The following COL18A1 variants were observed in gnomAD, a reference collection of about 807,000 sequenced individuals.
The protein encoded by COL18A1 is collagen alpha-1(XVIII) chain.
In COL18A1, 133 loss-of-function variants were observed where a neutral mutation model predicts 168.0. The observed-to-expected ratio is 0.79, with a 90% CI of 0.69 to 0.91. The LOEUF (loss-of-function observed/expected upper bound fraction) is 0.91, where lower values mean the gene tolerates loss of function less well. COL18A1 is among the 40% of genes least tolerant of loss of function. COL18A1 has a pLI of 0.00. For missense variants in COL18A1, 2,126 were observed against 1,925.4 expected, an observed-to-expected ratio of 1.10 and a Z score of -1.95; for synonymous variants, 949 against 809.0, an observed-to-expected ratio of 1.17 and a Z score of -2.94.
rs2036546085 is a variant in COL18A1 at position 45,496,436 on chromosome 21, T to C, written c.2509-64T>C. 3 of 809,464 alleles carry C rather than the reference T, an allele frequency of 3.7e-6. No individual in the cohort carries two copies. The Admixed American group carries it at 5.1e-5, about 14-fold the overall frequency. The allele number at this position is 809,464 out of a possible 1,614,324, so 50.1% of individuals were successfully genotyped here. ...ATTTTTCTGATTTTTCTGAACTGTC[T>C]CTGCTCCCAGCTGCTGCCTGACAGG... On this transcript the variant is annotated intron_variant, in intron 29 of 41. Coordinates refer to ENST00000651438, the MANE Select transcript of COL18A1 (RefSeq NM_001379500.1).
chr21:45,507,668 G>A, intron 38 of COL18A1, 75 bp downstream of exon 38: 3 of 1,399,796 alleles, frequency 2.1e-6, no homozygotes, highest in Non-Finnish European at 3.0e-6. Context: ...CCTGTTTGAG[G>A]AACAACACGT....
chr21:45,505,045 G>C, intron 34 of COL18A1, 89 bp from the exon 35 acceptor site: 1 of 1,518,916 alleles, frequency 6.6e-7, no homozygotes, highest in Non-Finnish European at 8.9e-7. Context: ...CTCGCCAAGG[G>C]GGTCTTGGCA....
rs2035664657 is a variant in COL18A1, at chr21:45,476,578, TGTGTGTA to T, written c.928+105_928+111del. On this transcript the variant is annotated intron_variant, in intron 6 of 41. Transcript: ENST00000651438. ...GGTGAGGTATGTGTGTGATGTATGGTGTGTGTAGTGTGTGGTGTATATGGTACATGTG... is the reference window on the plus strand; with the variant it reads ...GGTGAGGTATGTGTGTGATGTATGGTGTGTGTGGTGTATATGGTACATGTG... The T allele has an allele frequency of 5.0e-6, 7 of 1,393,588 alleles. No homozygotes were observed. The South Asian group carries it at 6.2e-5, about 12-fold the overall frequency. 86.3% of individuals were successfully genotyped at this position (1,393,588 alleles called of 1,614,324 possible). A position where few individuals can be genotyped will look rare whatever the true frequency, so the allele number is the denominator to read the frequency against.
At chr21:45,468,814 G>C in intron 3 of COL18A1, 28 bp downstream of exon 3, 2 of 1,410,128 alleles carry the variant, frequency 1.4e-6, no homozygotes, top group Non-Finnish European at 1.9e-6. Context: ...GTCGCTGGGG[G>C]ACTGGAGCAG....
At chr21:45,414,206 C>T (rs2033378817) in intron 2 of COL18A1, among the ~76,000 whole-genome samples, 1 of 152,176 alleles carries the variant, frequency 6.6e-6, no homozygotes, top group Non-Finnish European at 1.5e-5. Context: ...TGCTAGGAGG[C>T]CATGGTGTGC....
intron 2 of COL18A1, chr21:45,456,847 G>A (rs752371839): frequency 5.3e-6 from 8 of 1,499,892 alleles, no homozygotes; most frequent in South Asian, 5.2e-5. Context: ...CGACCCAGGA[G>A]GATGGGTACT....
In COL18A1 at chr21:45,423,772, G is replaced by C. The variant is rs1040448948; in HGVS notation, c.106+18299G>C. 6.6e-6 allele frequency: 1 copy of C among 152,350 alleles called. No individual in the cohort carries two copies. The highest frequency in any genetic ancestry group is 2.4e-5 in the African/African-American group (1 of 41,462). The allele number at this position is 152,350 out of a possible 1,614,324, so 9.4% of individuals were successfully genotyped here. On this transcript the variant is annotated intron_variant, in intron 2 of 41. Transcript: ENST00000651438. The surrounding 1 kb of genome is among the most constrained non-coding windows in gnomAD (Gnocchi z 4.0). ...CTCCCTGAGTGCATTGCCCATACCGGGTGGAGGCAGTTCCGTCCTGCAGAC... is the reference window on the plus strand; with the variant it reads ...CTCCCTGAGTGCATTGCCCATACCGCGTGGAGGCAGTTCCGTCCTGCAGAC...
At chr21:45,488,645 G>A (rs1016908949) in intron 18 of COL18A1, among the ~76,000 whole-genome samples, 1 of 152,074 alleles carries the variant, frequency 6.6e-6, no homozygotes, top group African/African-American at 2.4e-5. Context: ...GACTTCCAGC[G>A]TTAAGGGGCC....
In COL18A1 at chr21:45,495,020, C is replaced by T. The variant is rs528199511; in HGVS notation, c.2433+105C>T. 506 of 1,001,610 alleles carry T rather than the reference C, an allele frequency of 5.1e-4. 3 individuals carry two copies. In the Middle Eastern group the frequency reaches 7.7e-3, roughly 15 times the overall value. 62.0% of individuals were successfully genotyped at this position (1,001,610 alleles called of 1,614,324 possible). Reference sequence around the variant, plus strand: ...TGCCCAGAGGGGAGTGGACGGCCGCCGCACCCACTGTCCTCCCCCAAGAAC... The same window carrying T: ...TGCCCAGAGGGGAGTGGACGGCCGCTGCACCCACTGTCCTCCCCCAAGAAC... On this transcript the variant is annotated intron_variant, in intron 28 of 41. Transcript: ENST00000651438.
In COL18A1 at chr21:45,468,241, G is replaced by A; in HGVS notation, c.107-1G>A. ...CTCACCAGCTGTCTTTCTTTTTGCA[G>A]AGCGCATCAGCGAGGAGGTGGGGCT... is the stretch of plus-strand genomic sequence containing the variant. On this transcript the variant is annotated splice_acceptor_variant, in intron 2 of 41. Transcript: ENST00000651438. LOFTEE classifies it high-confidence loss of function. 6.2e-7 allele frequency: 1 copy of A among 1,612,934 alleles called. No individual in the cohort carries two copies. The highest frequency in any genetic ancestry group is 8.5e-7 in the Non-Finnish European group (1 of 1,180,016).
At chr21:45,452,745 C>T (rs1254096158) in intron 2 of COL18A1, among the ~76,000 whole-genome samples, 8 of 145,378 alleles carry the variant, frequency 5.5e-5, no homozygotes, top group African/African-American at 2.1e-4. Flanking sequence ...CATATATGTA[C>T]GTGTGATTGT....
intron 29 of COL18A1, chr21:45,496,187 C>G: frequency 1.8e-6 from 1 of 545,796 alleles, no homozygotes. Context: ...GAGCCAAGAG[C>G]TTTGTCTCCC....
chr21:45,439,477 C>G (rs574461186), intron 2 of COL18A1, among the ~76,000 whole-genome samples: 15 of 152,372 alleles, frequency 9.8e-5, no homozygotes, highest in African/African-American at 3.4e-4. Flanking sequence ...ATAAAAACGT[C>G]CGACGAAACC....
At chr21:45,487,587 C>G in intron 17 of COL18A1, 78 bp downstream of exon 17, 2 of 1,574,622 alleles carry the variant, frequency 1.3e-6, no homozygotes, top group East Asian at 4.5e-5. Flanking sequence ...TCCCTGAGAG[C>G]CACCGGCCTT....
intron 2 of COL18A1, among the ~76,000 whole-genome samples, chr21:45,441,470 C>T (rs1207075385): frequency 1.3e-5 from 2 of 152,322 alleles, no homozygotes; most frequent in Non-Finnish European, 2.9e-5. Context: ...CTCCAGGCCT[C>T]GGGACGCTTG....
In COL18A1 at chr21:45,468,763, G is replaced by A. The variant is rs1281408625; in HGVS notation, c.628G>A (p.Gly210Arg). Residue 210 changes from glycine (G) to arginine (R), a missense_variant, in exon 3 of 42, where the codon GGA becomes AGA. Transcript: ENST00000651438. The part of the protein sequence containing the change: ...GAGLFVAQAG[G>R]ADPDKFQGVI... Reference sequence around the variant, plus strand: ...CGGGCTCTTCGTGGCTCAGGCGGGGGGAGCGGACCCTGACAAGTTCCAGGT... The same window carrying A: ...CGGGCTCTTCGTGGCTCAGGCGGGGAGAGCGGACCCTGACAAGTTCCAGGT... 1 of 1,603,286 alleles carries A rather than the reference G, an allele frequency of 6.2e-7. No individual in the cohort carries two copies. Among genetic ancestry groups the A allele is most frequent in the African/African-American group, 1.3e-5 (1 of 74,972 alleles).
rs1057181306 is a variant in COL18A1 at position 45,456,147 on chromosome 21, C to T, written c.107-12095C>T. ...CTGGGCAGGCCCTGGGCACCACTCA[C>T]GGGGCCCTCAGTGCCACCACCATCT... On this transcript the variant is annotated intron_variant, in intron 2 of 41. Coordinates refer to ENST00000651438, the MANE Select transcript of COL18A1 (RefSeq NM_001379500.1). 15 of 1,583,962 alleles carry T rather than the reference C, an allele frequency of 9.5e-6. No individual in the cohort carries two copies. Among genetic ancestry groups the T allele is most frequent in the East Asian group, 2.3e-5 (1 of 44,420 alleles).
Position 45,493,467 on chromosome 21 carries a change from G to A in COL18A1, c.2278-34G>A, listed in dbSNP as rs2036428793. The A allele has an allele frequency of 5.9e-6, 9 of 1,529,524 alleles. No homozygotes were observed. In the South Asian group the frequency reaches 6.0e-5, roughly 10 times the overall value. The allele number at this position is 1,529,524 out of a possible 1,614,324, so 94.7% of individuals were successfully genotyped here. ...GGTGAGGCTTTGTGGGGAAGGAGCT[G>A]GCCCTGACTCTGCTGGACCTCCTGC... On this transcript the variant is annotated intron_variant, in intron 25 of 41. Transcript: ENST00000651438.
In COL18A1 at chr21:45,511,114, G is replaced by A. The variant is rs757492242; in HGVS notation, c.3697G>A (p.Glu1233Lys). The change falls in exon 41 of 42, where the codon GAG (glutamate) becomes AAG (lysine). Residue 1233 changes from glutamate (E) to lysine (K), a missense_variant. Glu to Lys is a moderately conservative substitution (Grantham distance 56). Coordinates refer to ENST00000651438, the MANE Select transcript of COL18A1 (RefSeq NM_001379500.1). ...ATACACACGGTTTCTCTTCCAGGAC[G>A]AGCTGCTGTTTCCCAGCTGGGAGGC... ...AAVPIVNLKDELLFPSWEALF... is the reference protein window; with the variant it reads ...AAVPIVNLKDKLLFPSWEALF... 9.0e-6 allele frequency: 14 copies of A among 1,554,284 alleles called. No individual in the cohort carries two copies. Among genetic ancestry groups the A allele is most frequent in the East Asian group, 4.7e-5 (2 of 42,234 alleles).
Sources: gnomAD v4.1 joint callset for allele counts (sites outside exome capture counted in the v4.1 genomes callset) on GRCh38, gnomAD v4.1.1 for gene constraint, Gnocchi (gnomAD v3.1) non-coding constraint, MANE v1.5 for transcripts, NCBI Gene and HGNC (gene_info 2026-07-23, HGNC 2026-07-21) for gene names.